LRMDA: variants seen among roughly 807,000 people sequenced by gnomAD.
LRMDA encodes the protein leucine-rich melanocyte differentiation-associated protein.
In LRMDA, 18 loss-of-function variants were observed where a neutral mutation model predicts 29.8. That is an observed-to-expected ratio of 0.60 (90% CI 0.42 to 0.90). The LOEUF (loss-of-function observed/expected upper bound fraction) is 0.90. LRMDA is among the 40% of genes least tolerant of loss of function. The pLI, the probability that LRMDA is intolerant of heterozygous loss-of-function variation, is 0.00. For missense variants in LRMDA, 273 were observed against 273.9 expected (o/e 1.00, Z 0.02); for synonymous variants, 125 against 109.4 (o/e 1.14, Z -0.89).
At chr10:75,869,859 T>A (rs773759247) in intron 2 of LRMDA, among the ~76,000 whole-genome samples, 5 of 152,186 alleles carry the variant, frequency 3.3e-5, no homozygotes, top group Non-Finnish European at 5.9e-5. Context: ...ACTCCTCTTT[T>A]TCATGTGTCT....
chr10:75,725,466 T>G (rs1309785289), intron 2 of LRMDA, among the ~76,000 whole-genome samples: 4 of 152,244 alleles, frequency 2.6e-5, no homozygotes, highest in African/African-American at 7.2e-5. Context: ...AATCTGTTTC[T>G]GGTAATTGAT....
At chr10:75,869,929 C>G (rs1472527974) in intron 2 of LRMDA, among the ~76,000 whole-genome samples, 1 of 152,180 alleles carries the variant, frequency 6.6e-6, no homozygotes, top group Non-Finnish European at 1.5e-5. Context: ...TGTGCTTTCT[C>G]TACTCTTAAA....
At chr10:75,654,390 T>C (rs1315190591) in intron 2 of LRMDA, among the ~76,000 whole-genome samples, 1 of 152,200 alleles carries the variant, frequency 6.6e-6, no homozygotes, top group Non-Finnish European at 1.5e-5. Flanking sequence ...CAACAGTTCT[T>C]ACCCAGGAGT....
intron 6 of LRMDA, among the ~76,000 whole-genome samples, chr10:76,542,717 G>A (rs993817030): frequency 1.3e-5 from 2 of 152,224 alleles, no homozygotes; most frequent in African/African-American, 4.8e-5. Flanking sequence ...CAGGCAAGGA[G>A]TGGGAGCCTT....
chr10:76,138,799 T>C (rs1392057015), intron 5 of LRMDA, among the ~76,000 whole-genome samples: 1 of 152,206 alleles, frequency 6.6e-6, no homozygotes, highest in Non-Finnish European at 1.5e-5. Flanking sequence ...GTAAGTATGC[T>C]TGTGGCTTTT....
chr10:76,423,984 G>A (rs1425806625), intron 6 of LRMDA, among the ~76,000 whole-genome samples: 2 of 152,248 alleles, frequency 1.3e-5, no homozygotes, highest in East Asian at 3.9e-4. Context: ...GGGCCAGAGG[G>A]GCTCCTTTGT....
intron 2 of LRMDA, among the ~76,000 whole-genome samples, chr10:75,947,702 C>A (rs1009556646): frequency 6.6e-6 from 1 of 152,192 alleles, no homozygotes; most frequent in African/African-American, 2.4e-5. Context: ...GCACGATATG[C>A]AAAAGTACTT....
intron 2 of LRMDA, among the ~76,000 whole-genome samples, chr10:75,486,304 A>G (rs1026233251): frequency 1.3e-5 from 2 of 152,328 alleles, no homozygotes; most frequent in South Asian, 2.1e-4. Context: ...TTTTCACACT[A>G]TAGCATTCAA....
intron 2 of LRMDA, among the ~76,000 whole-genome samples, chr10:75,833,075 C>G (rs1844373947): frequency 6.6e-6 from 1 of 152,152 alleles, no homozygotes; most frequent in Non-Finnish European, 1.5e-5. Flanking sequence ...CTTTTGTCCT[C>G]TAAATTATTG....
At chr10:76,475,062 T>C (rs1316771808) in intron 6 of LRMDA, among the ~76,000 whole-genome samples, 3 of 151,734 alleles carry the variant, frequency 2.0e-5, no homozygotes, top group South Asian at 2.1e-4. Context: ...TGCTACAATG[T>C]GGGTAAACCT....
rs991385968 is a variant in LRMDA, at chr10:75,961,695, C to G, written c.132-74313C>G. Among the ~76,000 whole-genome samples the G allele has an allele frequency of 3.3e-5, 5 of 152,314 alleles. No homozygotes were observed. The East Asian group carries it at 7.7e-4, about 23-fold the overall frequency. On this transcript the variant is annotated intron_variant, in intron 2 of 6. Coordinates refer to ENST00000611255, the MANE Select transcript of LRMDA (RefSeq NM_001305581.2). ...CTGGGGCTGCTTCATAACAGCCCAT[C>G]AGGTGAGTGCTGACTTTAACACTAA...
chr10:75,690,987 A>G (rs1426726617), intron 2 of LRMDA, among the ~76,000 whole-genome samples: 2 of 97,154 alleles, frequency 2.1e-5, no homozygotes, highest in African/African-American at 4.3e-5. Flanking sequence ...AAATATATAT[A>G]TATATATACA....
At chr10:76,264,297 C>T (rs1839977568) in intron 5 of LRMDA, among the ~76,000 whole-genome samples, 3 of 151,508 alleles carry the variant, frequency 2.0e-5, no homozygotes, top group Admixed American at 2.0e-4. Flanking sequence ...GTCCCAGCTA[C>T]TTGGGAGGCT....
intron 2 of LRMDA, among the ~76,000 whole-genome samples, chr10:75,783,793 A>G (rs1843425337): frequency 6.6e-6 from 1 of 152,232 alleles, no homozygotes; most frequent in African/African-American, 2.4e-5. Flanking sequence ...CAAGTGCTCA[A>G]TAAATGTTCA....
chr10:75,473,418 T>A (rs1019042804), intron 2 of LRMDA, among the ~76,000 whole-genome samples: 1 of 152,204 alleles, frequency 6.6e-6, no homozygotes, highest in African/African-American at 2.4e-5. Context: ...AAAATAAGTG[T>A]GTCTGGAGGT....
chr10:76,086,574 C>T (rs1369129584), intron 5 of LRMDA, among the ~76,000 whole-genome samples: 1 of 152,200 alleles, frequency 6.6e-6, no homozygotes. Flanking sequence ...TATTTCTATA[C>T]ACTCTATTCA....
At chr10:75,554,650 GT>G (rs1840192333) in intron 2 of LRMDA, among the ~76,000 whole-genome samples, 2 of 152,170 alleles carry the variant, frequency 1.3e-5, no homozygotes, top group African/African-American at 4.8e-5. Context: ...ACTTGCCAAT[GT>G]TTAAAGACGT....
intron 2 of LRMDA, among the ~76,000 whole-genome samples, chr10:75,871,433 T>C (rs1845108932): frequency 6.6e-6 from 1 of 152,222 alleles, no homozygotes; most frequent in Non-Finnish European, 1.5e-5. Flanking sequence ...GCTGATGGAT[T>C]GCTGCCCAGC....
intron 5 of LRMDA, among the ~76,000 whole-genome samples, chr10:76,178,364 G>C (rs181174465): frequency 6.6e-6 from 1 of 152,324 alleles, no homozygotes; most frequent in East Asian, 1.9e-4. Flanking sequence ...AGTCCTCTTT[G>C]TGTCTTCGTA....
Sources: allele counts gnomAD v4.1 joint callset (sites outside exome capture counted in the v4.1 genomes callset), GRCh38; gene constraint gnomAD v4.1.1; transcripts MANE v1.5; gene names NCBI Gene and HGNC (gene_info 2026-07-23, HGNC 2026-07-21).